MMUT: variants seen among roughly 807,000 people sequenced by gnomAD.
MMUT encodes the protein methylmalonyl-CoA mutase.
Under a neutral mutation model 79.9 loss-of-function variants are expected in MMUT, and 79 were observed. That is an observed-to-expected ratio of 0.99 (90% CI 0.82 to 1.19). MMUT has a LOEUF of 1.19. Ranked by LOEUF, MMUT falls within the 50% of genes most tolerant of loss-of-function variation. MMUT has a pLI of 0.00. For missense variants in MMUT, 860 were observed against 917.2 expected (o/e 0.94, Z 0.81); for synonymous variants, 273 against 295.7 (o/e 0.92, Z 0.79).
At chr6:49,447,942 G>A (rs999002386) in intron 7 of MMUT, among the ~76,000 whole-genome samples, 157 bp from the exon 8 acceptor site, 17 of 152,072 alleles carry the variant, frequency 1.1e-4, no homozygotes, top group African/African-American at 3.9e-4. Flanking sequence ...AATCTGAGAA[G>A]GGGGTGTGAG....
intron 2 of MMUT, 81 bp from the exon 3 acceptor site, chr6:49,458,139 A>AG (rs1767742058): frequency 1.5e-6 from 2 of 1,374,868 alleles, no homozygotes; most frequent in African/African-American, 1.4e-5. Context: ...ACTACTAAAA[A>AG]TGTTGATTCA....
Position 49,459,267 on chromosome 6 carries a change from A to T in MMUT, c.200T>A (p.Ile67Asn). The change falls in exon 2 of 13, where the codon ATC (isoleucine) becomes AAC (asparagine). Residue 67 changes from isoleucine to asparagine, a missense_variant. By Grantham distance (149) the Ile-to-Asn change is moderately radical. Transcript: ENST00000274813. The part of the protein sequence containing the change: ...EDLIWHTPEG[I>N]SIKPLYSKRD... Reference sequence around the variant, plus strand: ...CTTGGAATACAAGGGTTTTATAGAGATCCCTTCCGGGGTGTGCCATATTAG... The same window carrying T: ...CTTGGAATACAAGGGTTTTATAGAGTTCCCTTCCGGGGTGTGCCATATTAG... The T allele has an allele frequency of 1.2e-6, 2 of 1,614,116 alleles. No individual in the cohort carries two copies. The highest frequency in any genetic ancestry group is 1.7e-6 in the Non-Finnish European group (2 of 1,180,022).
rs1368171478 is a variant in MMUT at position 49,451,519 on chromosome 6, C to T, written c.1279G>A (p.Gly427Ser). ...GIPKVADPWG[G>S]SYMMECLTND... ...GTGAGACATTCCATCATGTAAGAAC[C>T]TCCCCAAGGATCAGCCACTTTGGGA... The change falls in exon 6 of 13, where the codon GGT (glycine) becomes AGT (serine). Residue 427 changes from glycine (G) to serine (S), a missense_variant. Coordinates refer to ENST00000274813, the MANE Select transcript of MMUT (RefSeq NM_000255.4). The T allele has an allele frequency of 2.5e-6, 4 of 1,614,058 alleles. No individual in the cohort carries two copies. Among genetic ancestry groups the T allele is most frequent in the East Asian group, 2.2e-5 (1 of 44,868 alleles).
At position 49,453,420 on chromosome 6, in the gene MMUT, T is replaced by G. The variant is rs567109205; in HGVS notation, c.1083+165A>C. Among the ~76,000 whole-genome samples, 157 of 152,064 alleles carry G rather than the reference T, an allele frequency of 1.0e-3. 1 individual carries two copies. The highest frequency in any genetic ancestry group is 3.4e-3 in the Middle Eastern group (1 of 294). Reference sequence around the variant, plus strand: ...ATTTTTATTTATTTATTTATTATATTATGTATAATTACAAACCTAAGTATA... The same window carrying G: ...ATTTTTATTTATTTATTTATTATATGATGTATAATTACAAACCTAAGTATA... On this transcript the variant is annotated intron_variant, in intron 5 of 12. Transcript: ENST00000274813.
At position 49,440,355 on chromosome 6, in the gene MMUT, T is replaced by A. The variant is rs1767243474; in HGVS notation, c.1809-2A>T. 1 of 1,613,674 alleles carries A rather than the reference T, an allele frequency of 6.2e-7. No individual in the cohort carries two copies. On this transcript the variant is annotated splice_acceptor_variant, in intron 10 of 12. Transcript: ENST00000274813. LOFTEE classifies it high-confidence loss of function. Reference sequence around the variant, plus strand: ...TCACGTTCCATGAATTTATGAACCCTGAAAAACATTTAAAAATATATCAGT... The same window carrying A: ...TCACGTTCCATGAATTTATGAACCCAGAAAAACATTTAAAAATATATCAGT...
At chr6:49,440,078 T>C in intron 11 of MMUT, 128 bp downstream of exon 11, 1 of 1,262,046 alleles carries the variant, frequency 7.9e-7, no homozygotes, top group East Asian at 2.3e-5. Context: ...ATTTGCCAAG[T>C]CAGTGGCTAC....
intron 1 of MMUT, among the ~76,000 whole-genome samples, chr6:49,462,037 G>C (rs959800664): frequency 6.6e-6 from 1 of 152,076 alleles, no homozygotes; most frequent in Non-Finnish European, 1.5e-5. Flanking sequence ...ACAACTAATA[G>C]GAAAGAGCCC....
chr6:49,437,337 C>T (rs1210569879), intron 11 of MMUT, among the ~76,000 whole-genome samples: 1 of 151,864 alleles, frequency 6.6e-6, no homozygotes, highest in African/African-American at 2.4e-5. Flanking sequence ...ATTAACATGA[C>T]ATTACTAAAT....
intron 5 of MMUT, among the ~76,000 whole-genome samples, chr6:49,451,995 G>A (rs1352854187): frequency 6.6e-6 from 1 of 152,076 alleles, no homozygotes; most frequent in Non-Finnish European, 1.5e-5. Context: ...TATCAACAAT[G>A]CATTCTTTTT....
intron 11 of MMUT, among the ~76,000 whole-genome samples, chr6:49,439,063 G>A (rs1328225773): frequency 6.6e-6 from 1 of 152,074 alleles, no homozygotes; most frequent in Non-Finnish European, 1.5e-5. Flanking sequence ...TGGAGACCAT[G>A]GGCATTTGAG....
rs775705185 is a variant in MMUT at position 49,457,768 on chromosome 6, T to C, written c.676A>G (p.Met226Val). 6.2e-7 allele frequency: 1 copy of C among 1,612,622 alleles called. No homozygotes were observed. Among genetic ancestry groups the C allele is most frequent in the Non-Finnish European group, 8.5e-7 (1 of 1,178,954 alleles). ...GGAAAAATGTATGTATTTCGAACCA[T>C]AAATTCCTTTAGTATATCATTTTGG... ...TIQNDILKEF[M>V]VRNTYIFPPE... The change falls in exon 3 of 13, where the codon ATG (methionine) becomes GTG (valine). Residue 226 changes from methionine (M) to valine (V), a missense_variant. Transcript: ENST00000274813.
rs1049744554 is a variant in MMUT, at chr6:49,459,122, A to G, written c.345T>C (p.Thr115=). Residue 115 remains threonine (T), a synonymous_variant, in exon 2 of 13, where the codon ACT becomes ACC. Coordinates refer to ENST00000274813, the MANE Select transcript of MMUT (RefSeq NM_000255.4). ...TATAGAACTTATTGCTTTCTTCCAC[A>G]GTACTAAAACCAGCATACTGGCGGA... The part of the protein sequence containing the change: ...WTIRQYAGFS[T]VEESNKFYKD... 1 of 1,614,146 alleles carries G rather than the reference A, an allele frequency of 6.2e-7. No individual in the cohort carries two copies. The highest frequency in any genetic ancestry group is 1.3e-5 in the African/African-American group (1 of 75,052).
intron 5 of MMUT, among the ~76,000 whole-genome samples, chr6:49,452,048 T>C (rs1383270377): frequency 1.3e-5 from 2 of 152,212 alleles, no homozygotes; most frequent in East Asian, 1.9e-4. Context: ...ATTCACTCTT[T>C]GCTGATTATT....
chr6:49,458,998 T>C (rs1011674906), intron 2 of MMUT, 84 bp downstream of exon 2: 7 of 1,350,554 alleles, frequency 5.2e-6, no homozygotes, highest in Non-Finnish European at 7.2e-6. Flanking sequence ...GAATATCATC[T>C]TTACAGAGAT....
At chr6:49,455,133 A>AAAAT (rs1554160364) in intron 4 of MMUT, among the ~76,000 whole-genome samples, 1 of 150,850 alleles carries the variant, frequency 6.6e-6, no homozygotes, top group Non-Finnish European at 1.5e-5. Context: ...TTCTTAAAAA[A>AAAAT]ATATATATAT....
At chr6:49,460,419 C>A in intron 1 of MMUT, among the ~76,000 whole-genome samples, 1 of 152,170 alleles carries the variant, frequency 6.6e-6, no homozygotes, top group Non-Finnish European at 1.5e-5. Context: ...GCTAAATGGC[C>A]TCTTCAATAA....
chr6:49,436,286 A>T (rs886226711), intron 11 of MMUT, among the ~76,000 whole-genome samples: 6 of 152,144 alleles, frequency 3.9e-5, no homozygotes, highest in African/African-American at 1.4e-4. Context: ...CATATACCCA[A>T]ATGAACAGAA....
chr6:49,431,644 T>TTAAA lies in MMUT; in HGVS notation c.*80_*83dup. On this transcript the variant is annotated 3_prime_UTR_variant, in exon 13 of 13. Transcript: ENST00000274813. ...GGAAAGTACAAATCAGGTATTGAAA[T>TTAAA]TAAATTGAAGACATAGCTTTACTCT... 7.0e-7 allele frequency: 1 copy of TTAAA among 1,432,824 alleles called. No homozygotes were observed. Among genetic ancestry groups the TTAAA allele is most frequent in the Non-Finnish European group, 9.7e-7 (1 of 1,026,974 alleles). 88.8% of individuals were successfully genotyped at this position (1,432,824 alleles called of 1,614,324 possible). A position where few individuals can be genotyped will look rare whatever the true frequency, so the allele number is the denominator to read the frequency against.
In MMUT at chr6:49,440,486, T is replaced by C. The variant is rs946689006; in HGVS notation, c.1809-133A>G. 8 of 1,009,014 alleles carry C rather than the reference T, an allele frequency of 7.9e-6. No individual in the cohort carries two copies. The African/African-American group carries it at 9.8e-5, about 12-fold the overall frequency. 62.5% of individuals were successfully genotyped at this position (1,009,014 alleles called of 1,614,324 possible). A position where few individuals can be genotyped will look rare whatever the true frequency, so the allele number is the denominator to read the frequency against. ...CTAATTTGTTTACTTGTATTTTGGG[T>C]TGTTTTTTTTTTCCAATTTTTATTT... is the stretch of plus-strand genomic sequence containing the variant. On this transcript the variant is annotated intron_variant, in intron 10 of 12. Coordinates refer to ENST00000274813, the MANE Select transcript of MMUT (RefSeq NM_000255.4).
Sources: allele counts gnomAD v4.1 joint callset (sites outside exome capture counted in the v4.1 genomes callset), GRCh38; gene constraint gnomAD v4.1.1; transcripts MANE v1.5; gene names NCBI Gene and HGNC (gene_info 2026-07-23, HGNC 2026-07-21).